RAB3B: variants seen among roughly 807,000 people sequenced by gnomAD.
The protein encoded by RAB3B is RAB3B, member RAS oncogene family, also known as ras-related protein Rab-3B.
Under a neutral mutation model 20.5 loss-of-function variants are expected in RAB3B, and 11 were observed. That is an observed-to-expected ratio of 0.54 (90% CI 0.34 to 0.89). The LOEUF (loss-of-function observed/expected upper bound fraction) is 0.89, where lower values mean the gene tolerates loss of function less well. Among genes scored for constraint, RAB3B ranks in the 40% least tolerant of loss-of-function variants. The pLI, the probability that RAB3B is intolerant of heterozygous loss-of-function variation, is 0.02. For missense variants in RAB3B, 225 were observed against 280.9 expected (o/e 0.80, Z 1.42); for synonymous variants, 99 against 106.3 (o/e 0.93, Z 0.42).
chr1:51,932,217 C>T (rs1301500244), intron 4 of RAB3B, among the ~76,000 whole-genome samples: 1 of 152,128 alleles, frequency 6.6e-6, no homozygotes, highest in Non-Finnish European at 1.5e-5. Flanking sequence ...CACCTATAAG[C>T]CCAAATATCT....
At position 51,915,432 on chromosome 1, in the gene RAB3B, T is replaced by C. The variant is rs1388670198; in HGVS notation, c.*4495A>G. The C allele has an allele frequency of 5.3e-5, 8 of 152,124 alleles. No homozygotes were observed. Among genetic ancestry groups the C allele is most frequent in the South Asian group, 2.1e-4 (1 of 4,822 alleles). 9.4% of individuals were successfully genotyped at this position (152,124 alleles called of 1,614,324 possible). ...GATGTCAACCTTCCCTTCTATAAAATAGGAGCCTGGAACAGATCTTCTCTA... is the reference window on the plus strand; with the variant it reads ...GATGTCAACCTTCCCTTCTATAAAACAGGAGCCTGGAACAGATCTTCTCTA... On this transcript the variant is annotated 3_prime_UTR_variant, in exon 5 of 5. Coordinates refer to ENST00000371655, the MANE Select transcript of RAB3B (RefSeq NM_002867.4).
At chr1:51,922,514 G>T (rs1220546913) in intron 4 of RAB3B, among the ~76,000 whole-genome samples, 2 of 152,076 alleles carry the variant, frequency 1.3e-5, no homozygotes, top group African/African-American at 2.4e-5. Context: ...TTAAATCCAT[G>T]AAAGTATATG....
rs201489061 is a variant in RAB3B at position 51,978,223 on chromosome 1, C to A, written c.1-1106G>T. Reference sequence around the variant, plus strand: ...GTCTGGCTTCCAGCATGAATCCTAGCACATAATAAGCACTCAGGAAATGTG... The same window carrying A: ...GTCTGGCTTCCAGCATGAATCCTAGAACATAATAAGCACTCAGGAAATGTG... On this transcript the variant is annotated intron_variant, in intron 1 of 4. Coordinates refer to ENST00000371655, the MANE Select transcript of RAB3B (RefSeq NM_002867.4). 5.9e-5 allele frequency among the ~76,000 whole-genome samples: 9 copies of A among 152,314 alleles called. No individual in the cohort carries two copies. The East Asian group carries it at 1.7e-3, about 29-fold the overall frequency.
At chr1:51,937,541 A>C in intron 2 of RAB3B, 129 bp from the exon 3 acceptor site, 1 of 540,660 alleles carries the variant, frequency 1.8e-6, no homozygotes, top group South Asian at 2.4e-5. Flanking sequence ...CTTGTTGCCC[A>C]GGCTGGAGTG....
intron 1 of RAB3B, among the ~76,000 whole-genome samples, chr1:51,986,275 C>A (rs961531545): frequency 2.0e-5 from 3 of 151,764 alleles, no homozygotes; most frequent in Admixed American, 1.3e-4. Flanking sequence ...CTCAGCCTCC[C>A]GAGTAGCTGG....
chr1:51,937,184 T>A (rs10888741), intron 3 of RAB3B, 110 bp downstream of exon 3: 1 of 796,832 alleles, frequency 1.3e-6, no homozygotes, highest in Admixed American at 2.6e-5. Flanking sequence ...CTGAGGCCAG[T>A]AACCATGTCT....
At chr1:51,959,020 G>T (rs1247037759) in intron 2 of RAB3B, among the ~76,000 whole-genome samples, 1 of 152,236 alleles carries the variant, frequency 6.6e-6, no homozygotes, top group Non-Finnish European at 1.5e-5. Context: ...ACCCGAGTCA[G>T]ACCCGGTCCC....
At chr1:51,951,306 A>C (rs1684638218) in intron 2 of RAB3B, among the ~76,000 whole-genome samples, 1 of 152,200 alleles carries the variant, frequency 6.6e-6, no homozygotes, top group Non-Finnish European at 1.5e-5. Flanking sequence ...TCCCCAATGC[A>C]GACATTTTAG....
At chr1:51,934,003 G>C (rs951872367) in intron 3 of RAB3B, among the ~76,000 whole-genome samples, 2 of 152,170 alleles carry the variant, frequency 1.3e-5, no homozygotes, top group African/African-American at 4.8e-5. Flanking sequence ...TCTTTTTGAA[G>C]TCCACCTCTA....
At position 51,975,512 on chromosome 1, in the gene RAB3B, G is replaced by A. The variant is rs559102067; in HGVS notation, c.228+1378C>T. ...ACCAACAGAACGCTGTAAGGCTAAG[G>A]CTAACTCATAAGAGACATTGCCACT... On this transcript the variant is annotated intron_variant, in intron 2 of 4. Transcript: ENST00000371655. Among the ~76,000 whole-genome samples, 8 of 152,302 alleles carry A rather than the reference G, an allele frequency of 5.3e-5. No individual in the cohort carries two copies. In the South Asian group the frequency reaches 1.7e-3, roughly 32 times the overall value.
intron 2 of RAB3B, among the ~76,000 whole-genome samples, chr1:51,951,577 T>G (rs945108254): frequency 1.3e-5 from 2 of 152,114 alleles, no homozygotes; most frequent in African/African-American, 4.8e-5. Flanking sequence ...TAATCCCAGC[T>G]GAGGTGGGAG....
chr1:51,927,553 A>T (rs527484723), intron 4 of RAB3B, among the ~76,000 whole-genome samples: 2 of 152,204 alleles, frequency 1.3e-5, no homozygotes, highest in Non-Finnish European at 2.9e-5. Flanking sequence ...AAGCTGGCAG[A>T]TCACTTGAGC....
chr1:51,924,293 GGC>G (rs1320500889), intron 4 of RAB3B, among the ~76,000 whole-genome samples: 1 of 152,124 alleles, frequency 6.6e-6, no homozygotes, highest in Non-Finnish European at 1.5e-5. Flanking sequence ...AATATTACAG[GGC>G]AATAAGTGTT....
chr1:51,968,233 G>A (rs989614002), intron 2 of RAB3B, among the ~76,000 whole-genome samples: 4 of 152,114 alleles, frequency 2.6e-5, no homozygotes, highest in Non-Finnish European at 5.9e-5. Flanking sequence ...TTAGACTTCC[G>A]ACCTCCAGAA....
At position 51,911,032 on chromosome 1, in the gene RAB3B, C is replaced by T. The variant is rs1265803291; in HGVS notation, c.*8895G>A. ...GTAAACAGAAGCATATACCACACAACTCAGTCCAGTCAGTAGTTGACTCTC... is the reference window on the plus strand; with the variant it reads ...GTAAACAGAAGCATATACCACACAATTCAGTCCAGTCAGTAGTTGACTCTC... On this transcript the variant is annotated 3_prime_UTR_variant, in exon 5 of 5. Coordinates refer to ENST00000371655, the MANE Select transcript of RAB3B (RefSeq NM_002867.4). 1 of 152,216 alleles carries T rather than the reference C, an allele frequency of 6.6e-6. No individual in the cohort carries two copies. Among genetic ancestry groups the T allele is most frequent in the Non-Finnish European group, 1.5e-5 (1 of 68,048 alleles). 9.4% of individuals were successfully genotyped at this position (152,216 alleles called of 1,614,324 possible). A position where few individuals can be genotyped will look rare whatever the true frequency, so the allele number is the denominator to read the frequency against.
chr1:51,970,289 C>T (rs557119319), intron 2 of RAB3B, among the ~76,000 whole-genome samples: 4 of 152,164 alleles, frequency 2.6e-5, no homozygotes, highest in African/African-American at 7.2e-5. Flanking sequence ...GCAACCAGCA[C>T]CCAGCAATAA....
intron 1 of RAB3B, among the ~76,000 whole-genome samples, chr1:51,989,543 C>T (rs1314802960): frequency 6.6e-6 from 1 of 151,856 alleles, no homozygotes; most frequent in Non-Finnish European, 1.5e-5. Flanking sequence ...CCACACCTGG[C>T]CTCCTCCCCA....
rs771030923 is a variant in RAB3B at position 51,910,120 on chromosome 1, C to T, written c.*9807G>A. 7 of 152,198 alleles carry T rather than the reference C, an allele frequency of 4.6e-5. No homozygotes were observed. Among genetic ancestry groups the T allele is most frequent in the Non-Finnish European group, 8.8e-5 (6 of 68,034 alleles). The allele number at this position is 152,198 out of a possible 1,614,324, so 9.4% of individuals were successfully genotyped here. On this transcript the variant is annotated 3_prime_UTR_variant, in exon 5 of 5. Transcript: ENST00000371655. ...GTGATGAAGACCCAAGAACTGAACCCAGGTCTGTCAGACTGTAAGCCCTGT... is the reference window on the plus strand; with the variant it reads ...GTGATGAAGACCCAAGAACTGAACCTAGGTCTGTCAGACTGTAAGCCCTGT...
Position 51,919,930 on chromosome 1 carries a change from G to A in RAB3B, c.657C>T (p.Cys219=). ...AGGTCAGGAAGGTGGGCCTTGCCTA[G>A]CATGAGCAGTTCTGCTGCAGCAGCG... ...TPPLLQQNCS[C] is the part of the protein sequence containing the mutation. Residue 219 remains cysteine, a synonymous_variant, in exon 5 of 5, where the codon TGC becomes TGT. Transcript: ENST00000371655. The A allele has an allele frequency of 1.2e-6, 2 of 1,612,170 alleles. No homozygotes were observed. Among genetic ancestry groups the A allele is most frequent in the African/African-American group, 2.7e-5 (2 of 75,016 alleles).
Sources: gnomAD v4.1 joint callset for allele counts (sites outside exome capture counted in the v4.1 genomes callset) on GRCh38, gnomAD v4.1.1 for gene constraint, MANE v1.5 for transcripts, NCBI Gene and HGNC (gene_info 2026-07-23, HGNC 2026-07-21) for gene names.